TENM1: variants seen among roughly 807,000 people sequenced by gnomAD.
The protein encoded by TENM1 is teneurin-1.
TENM1 carries 35 observed loss-of-function variants against 174.8 expected under a neutral mutation model. The observed-to-expected ratio is 0.20, with a 90% confidence interval of 0.15 to 0.27. The LOEUF (loss-of-function observed/expected upper bound fraction) is 0.27. TENM1 is among the 10% of genes least tolerant of loss of function. TENM1 has a pLI of 1.00. For missense variants in TENM1, 1,633 were observed against 2,130.1 expected (o/e 0.77, Z 4.59); for synonymous variants, 781 against 798.7 (o/e 0.98, Z 0.37).
chrX:124,887,398 A>T (rs781638380), intron 3 of TENM1, among the ~76,000 whole-genome samples: 6 of 111,148 alleles, frequency 5.4e-5, no homozygotes, highest in African/African-American at 2.0e-4. Flanking sequence ...AAATTTGGGG[A>T]ATTATATATA....
At chrX:125,146,514 G>C in the TENM1 span, among the ~76,000 whole-genome samples, 1 of 111,486 alleles carries the variant, frequency 9.0e-6, no homozygotes, top group Non-Finnish European at 1.9e-5. Flanking sequence ...AAATATTCTA[G>C]GCACTGGGCT....
intron 1 of TENM1, among the ~76,000 whole-genome samples, chrX:124,941,398 A>G (rs953100132): frequency 1.8e-5 from 2 of 111,090 alleles, no homozygotes; most frequent in African/African-American, 3.3e-5. Context: ...CTTCTCAGCA[A>G]TTTTCCTGGG....
chrX:124,977,963 TGTGTGAGAGAGAGAGAGAGAGAGA>T, the TENM1 span, among the ~76,000 whole-genome samples: 47 of 40,645 alleles, frequency 1.2e-3, no homozygotes, highest in East Asian at 7.2e-3. Context: ...TGTGTGTGTG[TGTGTGAGAGAGAGAGAGAGAGAGA>T]GAGAGAGAGA....
intron 3 of TENM1, among the ~76,000 whole-genome samples, chrX:124,805,619 A>G (rs747597639): frequency 1.8e-5 from 2 of 112,462 alleles, no homozygotes; most frequent in Non-Finnish European, 3.8e-5. Context: ...GGCCCTGGAT[A>G]AATGTCAGTG....
intron 23 of TENM1, among the ~76,000 whole-genome samples, chrX:124,438,701 C>T (rs990848570): frequency 1.8e-5 from 2 of 111,686 alleles, no homozygotes; most frequent in African/African-American, 3.3e-5. Flanking sequence ...TGTGTGCAGA[C>T]ATTTCAGCAG....
At chrX:125,045,918 C>T in the TENM1 span, among the ~76,000 whole-genome samples, 48 of 112,061 alleles carry the variant, frequency 4.3e-4, no homozygotes, top group South Asian at 1.1e-3. Context: ...CAGTACACCA[C>T]TTTTTCATCT....
Position 124,765,130 on chromosome X carries a change from A to ACAGACAGATATAGAAAAAAG in TENM1, c.536-27953_536-27934dup, listed in dbSNP as rs2148613652. Among the ~76,000 whole-genome samples, 3 of 112,020 alleles carry ACAGACAGATATAGAAAAAAG rather than the reference A, an allele frequency of 2.7e-5. No individual in the cohort carries two copies. In the South Asian group the frequency reaches 1.1e-3, roughly 42 times the overall value. ...GAAGCCAGGTGGTGGCAGAAAGAGA[A>ACAGACAGATATAGAAAAAAG]CAGACAGATATAGAAAAAAGCAGAC... On this transcript the variant is annotated intron_variant, in intron 3 of 31. Coordinates refer to ENST00000422452, the Ensembl canonical transcript of TENM1.
intron 25 of TENM1, among the ~76,000 whole-genome samples, chrX:124,416,262 C>T (rs2060593027): frequency 9.0e-6 from 1 of 111,688 alleles, no homozygotes; most frequent in Non-Finnish European, 1.9e-5. Flanking sequence ...ATTCATTCTT[C>T]TCCCCAGCTC....
At chrX:124,972,383 T>C in the TENM1 span, among the ~76,000 whole-genome samples, 5 of 112,178 alleles carry the variant, frequency 4.5e-5, no homozygotes, top group Non-Finnish European at 9.4e-5. Context: ...AAGGAAAACA[T>C]GGTCACCAAC....
chrX:124,883,877 G>C (rs181414125), intron 3 of TENM1, among the ~76,000 whole-genome samples: 167 of 111,452 alleles, frequency 1.5e-3, no homozygotes, highest in African/African-American at 5.0e-3. Context: ...TGGACAATGA[G>C]CTTGGACACT....
intron 3 of TENM1, among the ~76,000 whole-genome samples, chrX:124,842,939 A>G (rs972652096): frequency 3.6e-5 from 4 of 111,338 alleles, no homozygotes; most frequent in Non-Finnish European, 7.6e-5. Context: ...AGTCCTTGAC[A>G]TTATACCGTT....
the TENM1 span, among the ~76,000 whole-genome samples, chrX:125,197,011 T>C: frequency 9.0e-6 from 1 of 111,367 alleles, no homozygotes; most frequent in Non-Finnish European, 1.9e-5. Flanking sequence ...TTGACAGGTG[T>C]CTAAACCAGA....
intron 14 of TENM1, among the ~76,000 whole-genome samples, chrX:124,551,524 A>ACC (rs2048570800): frequency 2.2e-5 from 2 of 91,803 alleles, no homozygotes; most frequent in South Asian, 1.1e-3. Flanking sequence ...TAACACACAC[A>ACC]CACCCACACA....
chrX:124,409,841 T>G (rs1234371017), intron 25 of TENM1, among the ~76,000 whole-genome samples: 1 of 109,831 alleles, frequency 9.1e-6, no homozygotes, highest in African/African-American at 3.3e-5. Context: ...CAAGGAGAAC[T>G]ACAAACCACT....
intron 1 of TENM1, among the ~76,000 whole-genome samples, chrX:124,934,429 G>C (rs2058216255): frequency 8.9e-6 from 1 of 112,138 alleles, no homozygotes; most frequent in Admixed American, 9.4e-5. Context: ...TTTGCTTTTG[G>C]AGACACTGCT....
intron 22 of TENM1, among the ~76,000 whole-genome samples, chrX:124,462,434 G>C (rs1292999292): frequency 1.0e-5 from 1 of 99,051 alleles, no homozygotes; most frequent in Non-Finnish European, 2.0e-5. Flanking sequence ...GTGTGTGTGG[G>C]GGGGGTGGGG....
At chrX:124,641,204 A>G (rs747154652) in intron 11 of TENM1, among the ~76,000 whole-genome samples, 85 of 111,696 alleles carry the variant, frequency 7.6e-4, no homozygotes, top group African/African-American at 2.7e-3. Context: ...AAAATAGAAG[A>G]TAGGCTGGAG....
At chrX:124,399,441 A>G (rs2060375324) in intron 27 of TENM1, among the ~76,000 whole-genome samples, 1 of 111,631 alleles carries the variant, frequency 9.0e-6, no homozygotes, top group African/African-American at 3.3e-5. Flanking sequence ...CTTCCTCAAA[A>G]TCATACTCAT....
intron 23 of TENM1, among the ~76,000 whole-genome samples, chrX:124,434,314 T>C (rs1203014291): frequency 9.0e-6 from 1 of 111,586 alleles, no homozygotes; most frequent in Non-Finnish European, 1.9e-5. Flanking sequence ...CTCTATTATA[T>C]AAGGGTTTCC....
Sources: gnomAD v4.1 joint callset for allele counts (sites outside exome capture counted in the v4.1 genomes callset) on GRCh38, gnomAD v4.1.1 for gene constraint, MANE v1.5 for transcripts, NCBI Gene and HGNC (gene_info 2026-07-23, HGNC 2026-07-21) for gene names.